The following MGAT5B variants were observed in gnomAD, a reference collection of about 807,000 sequenced individuals.
MGAT5B encodes alpha-1,6-mannosylglycoprotein 6-beta-N-acetylglucosaminyltransferase B, also known as N-acetylglucosaminyl-transferase Vb.
In MGAT5B, 54 loss-of-function variants were observed where a neutral mutation model predicts 95.1. That is an observed-to-expected ratio of 0.57 (90% CI 0.46 to 0.71). MGAT5B has a LOEUF of 0.71. MGAT5B is among the 30% of genes least tolerant of loss of function. The pLI is 0.00. For synonymous variants in MGAT5B, 464 were observed against 451.0 expected, an observed-to-expected ratio of 1.03 and a Z score of -0.36; for missense variants, 935 against 1,088.6, an observed-to-expected ratio of 0.86 and a Z score of 1.99.
intron 12 of MGAT5B, among the ~76,000 whole-genome samples, chr17:76,936,633 G>C (rs552262099): frequency 6.6e-6 from 1 of 152,152 alleles, no homozygotes; most frequent in African/African-American, 2.4e-5. Context: ...CATATAATAA[G>C]TAAAAAGTTC....
Position 76,932,780 on chromosome 17 carries a change from G to A in MGAT5B, c.1422+5G>A. On this transcript the variant is annotated splice_donor_5th_base_variant and intron_variant, in intron 11 of 17. Coordinates refer to ENST00000569840, the MANE Select transcript of MGAT5B (RefSeq NM_001199172.2). ...AAGGAGGCGAGCATCTGGAAGGTGA[G>A]CGCGGCCCCTGCGCGCGGGAAGCAC... 1.2e-6 allele frequency: 2 copies of A among 1,613,180 alleles called. No homozygotes were observed. The highest frequency in any genetic ancestry group is 1.1e-5 in the South Asian group (1 of 91,038).
At chr17:76,927,044 C>T (rs1192180887) in intron 10 of MGAT5B, among the ~76,000 whole-genome samples, 4 of 152,172 alleles carry the variant, frequency 2.6e-5, no homozygotes, top group South Asian at 2.1e-4. Flanking sequence ...CGGGGGACTC[C>T]GCGGCCTTCC....
intron 8 of MGAT5B, among the ~76,000 whole-genome samples, chr17:76,913,468 TG>T (rs1968816088): frequency 6.6e-6 from 1 of 152,172 alleles, no homozygotes; most frequent in Non-Finnish European, 1.5e-5. Context: ...AGAAAAGCAC[TG>T]GGTCTAGGGC....
chr17:76,925,406 T>TA (rs1232953019), intron 9 of MGAT5B, among the ~76,000 whole-genome samples: 1 of 148,490 alleles, frequency 6.7e-6, no homozygotes, highest in Non-Finnish European at 1.5e-5. Context: ...GAGAAGAGTA[T>TA]AACGGAACAG....
At chr17:76,904,480 G>T in intron 6 of MGAT5B, 58 bp downstream of exon 6, 2 of 1,505,866 alleles carry the variant, frequency 1.3e-6, no homozygotes, top group Non-Finnish European at 1.8e-6. Context: ...CATTCTTAAG[G>T]ACAGTGGACA....
chr17:76,935,531 T>G (rs1275533248), intron 12 of MGAT5B, among the ~76,000 whole-genome samples: 1 of 134,324 alleles, frequency 7.4e-6, no homozygotes, highest in Non-Finnish European at 1.6e-5. Context: ...GGTGTCTTCT[T>G]GTGGTTTAAA....
rs979816297 is a variant in MGAT5B, at chr17:76,930,726, T to C, written c.1292-1919T>C. On this transcript the variant is annotated intron_variant, in intron 10 of 17. Transcript: ENST00000569840. The surrounding 1 kb of genome is among the most constrained non-coding windows in gnomAD (Gnocchi z 4.1). ...GTGTGTAGGAGGGTGTGTGTCCTTA[T>C]GGACAAATAAGTCAAATGGCGAGGA... 6.6e-6 allele frequency among the ~76,000 whole-genome samples: 1 copy of C among 152,190 alleles called. No individual in the cohort carries two copies. The highest frequency in any genetic ancestry group is 1.5e-5 in the Non-Finnish European group (1 of 68,040).
At chr17:76,902,387 C>T (rs1968344587) in intron 3 of MGAT5B, among the ~76,000 whole-genome samples, 168 bp from the exon 4 acceptor site, 1 of 152,180 alleles carries the variant, frequency 6.6e-6, no homozygotes, top group South Asian at 2.1e-4. Flanking sequence ...CCAGCTCCAT[C>T]TTCTCACCCG....
intron 3 of MGAT5B, among the ~76,000 whole-genome samples, chr17:76,888,784 G>A (rs145005430): frequency 3.5e-4 from 53 of 152,278 alleles, no homozygotes; most frequent in African/African-American, 1.1e-3. Context: ...GGCCACCTGC[G>A]GAACCAGAGT....
At chr17:76,924,822 G>C (rs1208155321) in intron 8 of MGAT5B, 144 bp from the exon 9 acceptor site, 13 of 1,062,090 alleles carry the variant, frequency 1.2e-5, no homozygotes, top group African/African-American at 1.6e-5. Flanking sequence ...TTACCGTACA[G>C]GGCCATCCTG....
At chr17:76,908,682 G>C (rs1292514041) in intron 8 of MGAT5B, among the ~76,000 whole-genome samples, 1 of 152,142 alleles carries the variant, frequency 6.6e-6, no homozygotes, top group East Asian at 1.9e-4. Context: ...GATCAAGTCA[G>C]GGTACTGGGG....
chr17:76,948,841 C>A lies in MGAT5B; in HGVS notation c.*3C>A. The A allele has an allele frequency of 1.3e-6, 2 of 1,579,226 alleles. No homozygotes were observed. The highest frequency in any genetic ancestry group is 1.7e-6 in the Non-Finnish European group (2 of 1,164,276). ...CCTTGTGCCAGGGCTGTCTGTGAAT[C>A]CGCCTCTGCCGCCCTGCCTGGCACC... On this transcript the variant is annotated 3_prime_UTR_variant, in exon 18 of 18. Coordinates refer to ENST00000569840, the MANE Select transcript of MGAT5B (RefSeq NM_001199172.2).
At position 76,930,956 on chromosome 17, in the gene MGAT5B, G is replaced by A. The variant is rs1418400028; in HGVS notation, c.1292-1689G>A. 6.6e-6 allele frequency among the ~76,000 whole-genome samples: 1 copy of A among 152,172 alleles called. No individual in the cohort carries two copies. Among genetic ancestry groups the A allele is most frequent in the Non-Finnish European group, 1.5e-5 (1 of 68,034 alleles). ...ACAGCAGCAGGGGCAACGCTTGGAGGTGGGAATGGGAGGCTTTTCCCCTGT... is the reference window on the plus strand; with the variant it reads ...ACAGCAGCAGGGGCAACGCTTGGAGATGGGAATGGGAGGCTTTTCCCCTGT... On this transcript the variant is annotated intron_variant, in intron 10 of 17. Coordinates refer to ENST00000569840, the MANE Select transcript of MGAT5B (RefSeq NM_001199172.2). The surrounding 1 kb of genome is among the most constrained non-coding windows in gnomAD (Gnocchi z 4.1).
chr17:76,906,287 C>T lies in MGAT5B; in HGVS notation c.1025+100C>T. On this transcript the variant is annotated intron_variant, in intron 8 of 17. Coordinates refer to ENST00000569840, the MANE Select transcript of MGAT5B (RefSeq NM_001199172.2). The surrounding 1 kb of genome is among the most constrained non-coding windows in gnomAD (Gnocchi z 4.6). ...AGGGGCTGTGGGAGCACCTGCTCTG[C>T]CTGCAGGTCCCACGGCCCTGAGACC... 8.5e-7 allele frequency: 1 copy of T among 1,176,316 alleles called. No individual in the cohort carries two copies. The highest frequency in any genetic ancestry group is 1.6e-5 in the African/African-American group (1 of 62,270). The allele number at this position is 1,176,316 out of a possible 1,614,324, so 72.9% of individuals were successfully genotyped here.
intron 3 of MGAT5B, among the ~76,000 whole-genome samples, chr17:76,891,524 C>T (rs1967869318): frequency 6.6e-6 from 1 of 151,464 alleles, no homozygotes; most frequent in African/African-American, 2.4e-5. Context: ...GGACTACAGG[C>T]ATCTGCCACC....
chr17:76,896,890 A>G (rs1270884312), intron 3 of MGAT5B, among the ~76,000 whole-genome samples: 3 of 152,174 alleles, frequency 2.0e-5, no homozygotes, highest in Non-Finnish European at 4.4e-5. Context: ...TCTTGACAGC[A>G]GGAGCATCCA....
At chr17:76,897,717 CTTTCTTTCTTTTTCTT>C (rs1567800334) in intron 3 of MGAT5B, among the ~76,000 whole-genome samples, 76 of 89,272 alleles carry the variant, frequency 8.5e-4, no homozygotes, top group Middle Eastern at 4.9e-3. Context: ...TTCTTTCTTT[CTTTCTTTCTTTTTCTT>C]TTTTTTTTTT....
At chr17:76,937,607 TGAGA>T (rs368109607) in intron 12 of MGAT5B, among the ~76,000 whole-genome samples, 1 of 151,210 alleles carries the variant, frequency 6.6e-6, no homozygotes, top group African/African-American at 2.4e-5. Flanking sequence ...ATGGGATGGG[TGAGA>T]GAGAGAGATG....
intron 10 of MGAT5B, among the ~76,000 whole-genome samples, chr17:76,931,608 A>G (rs1448364396): frequency 6.6e-6 from 1 of 151,602 alleles, no homozygotes; most frequent in African/African-American, 2.4e-5. Flanking sequence ...TGGGAGAGAA[A>G]TGGAGGCAGA....
Sources: gnomAD v4.1 joint callset for allele counts (sites outside exome capture counted in the v4.1 genomes callset) on GRCh38, gnomAD v4.1.1 for gene constraint, Gnocchi (gnomAD v3.1) non-coding constraint, MANE v1.5 for transcripts, NCBI Gene and HGNC (gene_info 2026-07-23, HGNC 2026-07-21) for gene names.